The following CEP164 variants were observed in gnomAD, a reference collection of about 807,000 sequenced individuals.
CEP164 encodes the protein centrosomal protein 164.
CEP164 carries 162 observed loss-of-function variants against 182.7 expected under a neutral mutation model. That is an observed-to-expected ratio of 0.89 (90% CI 0.78 to 1.01). The LOEUF is 1.01. Ranked by LOEUF, CEP164 falls within the 50% of genes least tolerant of loss-of-function variation. The probability of loss-of-function intolerance (pLI) is 0.00; values close to 1 mark genes in which losing one functional copy is unlikely to be tolerated. For synonymous variants in CEP164, 661 were observed against 690.0 expected (o/e 0.96, Z 0.66); for missense variants, 1,735 against 1,790.4 (o/e 0.97, Z 0.56).
Position 117,391,084 on chromosome 11 carries a change from A to C in CEP164, c.2152A>C (p.Asn718His). The change falls in exon 17 of 33, where the codon AAT becomes CAT. Residue 718 changes from asparagine to histidine, a missense_variant. Asn to His is a moderately conservative substitution (Grantham distance 68, BLOSUM62 1). Transcript: ENST00000278935. ...KAERASLEQK[N>H]RQMLEQLKEE... is the part of the protein sequence containing the mutation. ...TGAGAGGGCCAGCTTGGAACAGAAA[A>C]ATAGGCAAATGCTGGAGCAGCTCAA... is the stretch of plus-strand genomic sequence containing the variant. The C allele has an allele frequency of 6.2e-7, 1 of 1,614,120 alleles. No individual in the cohort carries two copies. Among genetic ancestry groups the C allele is most frequent in the Non-Finnish European group, 8.5e-7 (1 of 1,180,030 alleles).
At chr11:117,406,881 G>GTCAGGAGT (rs1386456862) in intron 27 of CEP164, among the ~76,000 whole-genome samples, 2 of 152,048 alleles carry the variant, frequency 1.3e-5, no homozygotes, top group Admixed American at 1.3e-4. Context: ...GGATCACGAG[G>GTCAGGAGT]TCAGGAGTTC....
chr11:117,362,219 C>T (rs764791546), intron 6 of CEP164, among the ~76,000 whole-genome samples, 185 bp from the exon 7 acceptor site: 3 of 152,158 alleles, frequency 2.0e-5, no homozygotes, highest in Non-Finnish European at 1.5e-5. Flanking sequence ...CAAGTCTCTG[C>T]AGCCAAGGCA....
intron 1 of CEP164, among the ~76,000 whole-genome samples, chr11:117,331,644 C>T (rs1415219532): frequency 6.6e-6 from 1 of 152,136 alleles, no homozygotes; most frequent in Non-Finnish European, 1.5e-5. Flanking sequence ...GTACTTTGAC[C>T]ACTATGCCGC....
Position 117,355,704 on chromosome 11 carries a change from G to A in CEP164, c.393+3716G>A, listed in dbSNP as rs2040222191. 3.4e-6 allele frequency: 4 copies of A among 1,187,940 alleles called. No individual in the cohort carries two copies. The South Asian group carries it at 6.3e-5, about 19-fold the overall frequency. 73.6% of individuals were successfully genotyped at this position (1,187,940 alleles called of 1,614,324 possible). On this transcript the variant is annotated intron_variant, in intron 5 of 32. Coordinates refer to ENST00000278935, the MANE Select transcript of CEP164 (RefSeq NM_014956.5). ...AGCATAGGCAGCGGGAGGAGGAGGA[G>A]AGAACCTCCTGGACTGTGGATGGAA...
At position 117,410,855 on chromosome 11, in the gene CEP164, C is replaced by T; in HGVS notation, c.4124C>T (p.Pro1375Leu). The T allele has an allele frequency of 6.2e-7, 1 of 1,613,266 alleles. No individual in the cohort carries two copies. Among genetic ancestry groups the T allele is most frequent in the Non-Finnish European group, 8.5e-7 (1 of 1,179,660 alleles). Residue 1375 changes from proline (P) to leucine (L), a missense_variant, in exon 31 of 33, where the codon CCC (proline) becomes CTC (leucine). Physicochemically the swap from Pro to Leu is moderately conservative, Grantham distance 98. Coordinates refer to ENST00000278935, the MANE Select transcript of CEP164 (RefSeq NM_014956.5). The stretch of plus-strand genomic sequence containing the variant: ...GGCATCCCGCTGCTCAGCAACAGCC[C>T]CACCCCGCTGGAGAGCAGGCTGGGT... The part of the protein sequence containing the change: ...PSGIPLLSNS[P>L]TPLESRLGYM...
chr11:117,408,663 A>G (rs1592503020), intron 28 of CEP164: 4 of 563,736 alleles, frequency 7.1e-6, no homozygotes, highest in South Asian at 2.1e-5. Context: ...GTTCCCACAC[A>G]TCACAAGGGC....
chr11:117,372,502 G>A (rs1458730368), intron 9 of CEP164, among the ~76,000 whole-genome samples: 1 of 151,668 alleles, frequency 6.6e-6, no homozygotes, highest in African/African-American at 2.4e-5. Context: ...CACAACCTCC[G>A]CCTCCCGGGT....
At chr11:117,391,362 C>A in intron 17 of CEP164, 147 bp downstream of exon 17, 1 of 711,592 alleles carries the variant, frequency 1.4e-6, no homozygotes, top group Non-Finnish European at 2.3e-6. Context: ...CACACACAGG[C>A]ATGGGAGACA....
chr11:117,408,821 A>G, intron 28 of CEP164, 69 bp from the exon 29 acceptor site: 1 of 1,592,380 alleles, frequency 6.3e-7, no homozygotes, highest in Non-Finnish European at 8.6e-7. Flanking sequence ...GCCACTTCCT[A>G]GGAAGGAAAA....
chr11:117,408,833 G>T, intron 28 of CEP164, 57 bp from the exon 29 acceptor site: 4 of 1,604,700 alleles, frequency 2.5e-6, no homozygotes, highest in Non-Finnish European at 3.4e-6. Context: ...GAAGGAAAAA[G>T]GAAGGGTAGA....
intron 4 of CEP164, among the ~76,000 whole-genome samples, chr11:117,347,191 T>A (rs2039014659): frequency 6.6e-6 from 1 of 152,184 alleles, no homozygotes; most frequent in Non-Finnish European, 1.5e-5. Context: ...TGAAGGACAT[T>A]TAGATATTTT....
At chr11:117,351,454 C>A (rs1432919202) in intron 4 of CEP164, among the ~76,000 whole-genome samples, 1 of 152,140 alleles carries the variant, frequency 6.6e-6, no homozygotes, top group African/African-American at 2.4e-5. Context: ...TATACTTCTC[C>A]ATCTAAATAA....
At chr11:117,356,047 C>A in intron 5 of CEP164, 1 of 1,119,462 alleles carries the variant, frequency 8.9e-7, no homozygotes, top group Admixed American at 3.6e-5. Context: ...CACACCTGGG[C>A]TCTCCTGTCC....
chr11:117,389,826 T>C (rs1457233589), intron 15 of CEP164, among the ~76,000 whole-genome samples: 2 of 152,064 alleles, frequency 1.3e-5, no homozygotes, highest in Non-Finnish European at 2.9e-5. Context: ...TGGAATCTGG[T>C]TGGGTGGCTA....
intron 3 of CEP164, among the ~76,000 whole-genome samples, chr11:117,343,547 G>C (rs761047459): frequency 2.0e-5 from 3 of 152,076 alleles, no homozygotes; most frequent in Non-Finnish European, 4.4e-5. Context: ...TGCTCATCCT[G>C]GATGGTTCTG....
At chr11:117,333,367 C>T (rs941737687) in intron 1 of CEP164, among the ~76,000 whole-genome samples, 1 of 152,140 alleles carries the variant, frequency 6.6e-6, no homozygotes, top group Non-Finnish European at 1.5e-5. Context: ...CTCAGGTTAC[C>T]ATTGCCTCTT....
At chr11:117,324,097 T>G (rs1057051421), upstream of CEP164, 4 of 200,442 alleles carry the variant, frequency 2.0e-5, no homozygotes, top group East Asian at 5.8e-4. Context: ...GAAGACAACC[T>G]ATGAGTGAAG....
intron 9 of CEP164, among the ~76,000 whole-genome samples, chr11:117,373,088 G>T (rs1195007094): frequency 1.3e-5 from 2 of 152,110 alleles, no homozygotes; most frequent in Non-Finnish European, 2.9e-5. Flanking sequence ...GCTTTTATCG[G>T]CCGGGCACGG....
At chr11:117,375,684 C>T in intron 10 of CEP164, 24 bp from the exon 11 acceptor site, 1 of 1,609,036 alleles carries the variant, frequency 6.2e-7, no homozygotes, top group African/African-American at 1.3e-5. Context: ...GCAGAGTTGA[C>T]CTTTGCATCT....
Sources: gnomAD v4.1 joint callset for allele counts (sites outside exome capture counted in the v4.1 genomes callset) on GRCh38, gnomAD v4.1.1 for gene constraint, MANE v1.5 for transcripts, NCBI Gene and HGNC (gene_info 2026-07-23, HGNC 2026-07-21) for gene names.